SVOPL: variants seen among roughly 807,000 people sequenced by gnomAD.
SVOPL encodes the protein SVOP like.
SVOPL carries 60 observed loss-of-function variants against 61.0 expected under a neutral mutation model. The ratio of observed to expected loss-of-function variants is 0.98; its 90% CI spans 0.80 to 1.22. The LOEUF is 1.22. Ranked by LOEUF, SVOPL falls within the 50% of genes most tolerant of loss-of-function variation. The pLI is 0.00. For missense variants in SVOPL, 662 were observed against 643.9 expected (o/e 1.03, Z -0.30); for synonymous variants, 279 against 250.0 (o/e 1.12, Z -1.09).
chr7:138,672,200 C>T (rs1802439046), intron 3 of SVOPL, 83 bp from the exon 4 acceptor site: 9 of 1,270,496 alleles, frequency 7.1e-6, no homozygotes, highest in South Asian at 1.3e-5. Context: ...ATCATCCTAC[C>T]TAGTCCTGTC....
At chr7:138,601,262 A>T (rs552233901) in intron 14 of SVOPL, among the ~76,000 whole-genome samples, 1 of 151,652 alleles carries the variant, frequency 6.6e-6, no homozygotes, top group East Asian at 1.9e-4. Flanking sequence ...AAAAAAAAAA[A>T]AAAAAAAGAA....
At chr7:138,690,111 T>C (rs1448183140) in intron 1 of SVOPL, among the ~76,000 whole-genome samples, 2 of 152,162 alleles carry the variant, frequency 1.3e-5, no homozygotes, top group East Asian at 3.9e-4. Context: ...GAACCCACCC[T>C]GCCAAAACCT....
At chr7:138,652,997 C>T (rs116342667) in intron 7 of SVOPL, among the ~76,000 whole-genome samples, 3,748 of 152,232 alleles carry the variant, frequency 0.025, 195 homozygotes, top group East Asian at 0.23. Context: ...AACAGCATTA[C>T]GGCTGATATG....
At position 138,668,664 on chromosome 7, in the gene SVOPL, A is replaced by C. The variant is rs149893803; in HGVS notation, c.273+3355T>G. 3.8e-3 allele frequency among the ~76,000 whole-genome samples: 574 copies of C among 152,290 alleles called. 1 individual carries two copies. The highest frequency in any genetic ancestry group is 5.5e-3 in the Admixed American group (84 of 15,294). ...CTCCAACCAGTTCCTCAAGTGAGGG[A>C]ATTTTCCCTGGTGCCACCCCCAAAG... On this transcript the variant is annotated intron_variant, in intron 4 of 15. Coordinates refer to ENST00000674285, the MANE Select transcript of SVOPL (RefSeq NM_001139456.2).
chr7:138,662,678 C>A, intron 5 of SVOPL: 1 of 1,022,220 alleles, frequency 9.8e-7, no homozygotes, highest in Non-Finnish European at 1.2e-6. Context: ...GATATCAGAC[C>A]TCTGTTCTCA....
chr7:138,668,763 G>T (rs889208740), intron 4 of SVOPL, among the ~76,000 whole-genome samples: 20 of 152,120 alleles, frequency 1.3e-4, no homozygotes, highest in African/African-American at 4.8e-4. Flanking sequence ...CACCTTCCGG[G>T]GCTACTCCTT....
chr7:138,643,956 C>T (rs1243720278), intron 9 of SVOPL, among the ~76,000 whole-genome samples: 1 of 151,956 alleles, frequency 6.6e-6, no homozygotes, highest in Non-Finnish European at 1.5e-5. Flanking sequence ...ATAATCCCAG[C>T]ACTTTGGGAG....
chr7:138,619,561 T>TAAAAAAAA (rs11440977), intron 14 of SVOPL, among the ~76,000 whole-genome samples: 1 of 60,298 alleles, frequency 1.7e-5, no homozygotes, highest in Non-Finnish European at 3.1e-5. Flanking sequence ...TCTCAGATGT[T>TAAAAAAAA]AAAAAAAAAA....
chr7:138,664,284 C>T (rs1401659269), intron 4 of SVOPL: 3 of 975,336 alleles, frequency 3.1e-6, no homozygotes, highest in Admixed American at 6.2e-5. Flanking sequence ...GAGCTCCCAT[C>T]GGGCACGCGC....
intron 4 of SVOPL, 152 bp from the exon 5 acceptor site, chr7:138,663,297 T>C (rs952966199): frequency 6.8e-6 from 10 of 1,461,412 alleles, no homozygotes; most frequent in Non-Finnish European, 9.0e-6. Flanking sequence ...TGCTTGCCCC[T>C]GAGGCCCTTC....
chr7:138,596,661 T>G, intron 14 of SVOPL, 131 bp from the exon 15 acceptor site: 1 of 1,408,674 alleles, frequency 7.1e-7, no homozygotes, highest in Non-Finnish European at 9.3e-7. Context: ...GGTTGTACCT[T>G]CCTGACAAAT....
intron 8 of SVOPL, among the ~76,000 whole-genome samples, chr7:138,647,544 A>C (rs1354315447): frequency 6.6e-6 from 1 of 151,404 alleles, no homozygotes; most frequent in African/African-American, 2.4e-5. Context: ...TATACTGTTG[A>C]AATCTATAAA....
At chr7:138,677,062 C>A (rs1296271835) in intron 3 of SVOPL, among the ~76,000 whole-genome samples, 1 of 152,044 alleles carries the variant, frequency 6.6e-6, no homozygotes, top group Non-Finnish European at 1.5e-5. Flanking sequence ...CGCCACCATG[C>A]CCGTCTCATT....
intron 14 of SVOPL, among the ~76,000 whole-genome samples, chr7:138,599,892 A>C (rs1798442248): frequency 6.6e-6 from 1 of 151,518 alleles, no homozygotes; most frequent in Non-Finnish European, 1.5e-5. Context: ...CGTCTCAAAA[A>C]AAAAAAAAAA....
intron 1 of SVOPL, among the ~76,000 whole-genome samples, chr7:138,681,687 G>A (rs567654610): frequency 2.9e-4 from 44 of 152,190 alleles, no homozygotes; most frequent in African/African-American, 1.1e-3. Flanking sequence ...GCCAGGCGTG[G>A]TGGCATGCAC....
Position 138,642,287 on chromosome 7 carries a change from C to CAAAAA in SVOPL, c.789+2425_789+2429dup, listed in dbSNP as rs79469915. On this transcript the variant is annotated intron_variant, in intron 9 of 15. Transcript: ENST00000674285. ...CAAAGAAAATAAAACGGAAATTAGCCAAAAAAAAAAAAAAAAAAATCAATA... is the reference window on the plus strand; with the variant it reads ...CAAAGAAAATAAAACGGAAATTAGCCAAAAAAAAAAAAAAAAAAAAAAAATCAATA... Among the ~76,000 whole-genome samples the CAAAAA allele has an allele frequency of 2.8e-3, 313 of 111,558 alleles. 1 individual carries two copies. The highest frequency in any genetic ancestry group is 0.01 in the African/African-American group (284 of 27,752). The allele number at this position is 111,558 out of a possible 152,430, so 73.2% of individuals were successfully genotyped here. A position where few individuals can be genotyped will look rare whatever the true frequency, so the allele number is the denominator to read the frequency against.
Position 138,693,564 on chromosome 7 carries a change from A to AAAAG in SVOPL, c.-35+7613_-35+7614insCTTT, listed in dbSNP as rs1491117820. Among the ~76,000 whole-genome samples the AAAAG allele has an allele frequency of 1.4e-3, 124 of 91,352 alleles. 1 individual carries two copies. The highest frequency in any genetic ancestry group is 6.1e-3 in the African/African-American group (124 of 20,198). 59.9% of individuals were successfully genotyped at this position (91,352 alleles called of 152,430 possible). ...AAGAAAGAAAGAAAGAAAGAAAGAAAGAAAGAAAGAAAAAAGGAAAGAAAG... is the reference window on the plus strand; with the variant it reads ...AAGAAAGAAAGAAAGAAAGAAAGAAAAAAGGAAAGAAAGAAAAAAGGAAAGAAAG... On this transcript the variant is annotated intron_variant, in intron 1 of 15. Transcript: ENST00000674285.
rs149400542 is a variant in SVOPL, at chr7:138,683,770, T to C, written c.-34-4691A>G. 3.1e-3 allele frequency among the ~76,000 whole-genome samples: 473 copies of C among 152,092 alleles called. 3 individuals are homozygous for C. The highest frequency in any genetic ancestry group is 0.01 in the African/African-American group (433 of 41,492). ...ATATCCAAAATATGTAAGAAACTCT[T>C]TGGGCGGGCACAATGGCTCATGTCT... is the stretch of plus-strand genomic sequence containing the variant. On this transcript the variant is annotated intron_variant, in intron 1 of 15. Coordinates refer to ENST00000674285, the MANE Select transcript of SVOPL (RefSeq NM_001139456.2).
chr7:138,619,586 A>AG (rs1387229240), intron 14 of SVOPL, among the ~76,000 whole-genome samples: 1 of 149,066 alleles, frequency 6.7e-6, no homozygotes, highest in African/African-American at 2.5e-5. Context: ...AAAAAAAAAA[A>AG]AAGTGAAAAA....
Sources: allele counts gnomAD v4.1 joint callset (sites outside exome capture counted in the v4.1 genomes callset), GRCh38; gene constraint gnomAD v4.1.1; transcripts MANE v1.5; gene names NCBI Gene and HGNC (gene_info 2026-07-23, HGNC 2026-07-21).